GREM1: variants seen among roughly 807,000 people sequenced by gnomAD.
GREM1 encodes gremlin 1, DAN family BMP antagonist.
GREM1 carries 6 observed loss-of-function variants against 13.1 expected under a neutral mutation model. The ratio of observed to expected loss-of-function variants is 0.46; its 90% CI spans 0.25 to 0.91. The LOEUF (loss-of-function observed/expected upper bound fraction) is 0.91, where lower values mean the gene tolerates loss of function less well. Ranked by LOEUF, GREM1 falls within the 40% of genes least tolerant of loss-of-function variation. The probability of loss-of-function intolerance (pLI) is 0.18; values close to 1 mark genes in which losing one functional copy is unlikely to be tolerated. For missense variants in GREM1, 185 were observed against 233.9 expected (o/e 0.79, Z 1.36); for synonymous variants, 98 against 93.7 (o/e 1.05, Z -0.27).
At position 32,740,942 on chromosome 15, in the gene GREM1, A is replaced by G. The variant is rs994772490; in HGVS notation, c.*9697A>G. Reference sequence around the variant, plus strand: ...CATTCTGATTTGCCAGTGTGGTCTCATGTTACCCCTGTGCCTAGAAAGGAA... The same window carrying G: ...CATTCTGATTTGCCAGTGTGGTCTCGTGTTACCCCTGTGCCTAGAAAGGAA... On this transcript the variant is annotated 3_prime_UTR_variant, in exon 2 of 2. Transcript: ENST00000651154. 1 of 152,206 alleles carries G rather than the reference A, an allele frequency of 6.6e-6. No individual in the cohort carries two copies. The highest frequency in any genetic ancestry group is 1.9e-4 in the East Asian group (1 of 5,200). The allele number at this position is 152,206 out of a possible 1,614,324, so 9.4% of individuals were successfully genotyped here. A position where few individuals can be genotyped will look rare whatever the true frequency, so the allele number is the denominator to read the frequency against.
rs1184035183 is a variant in GREM1, at chr15:32,736,726, A to C, written c.*5481A>C. The C allele has an allele frequency of 1.3e-5, 2 of 152,252 alleles. No homozygotes were observed. Among genetic ancestry groups the C allele is most frequent in the Non-Finnish European group, 2.9e-5 (2 of 68,056 alleles). The allele number at this position is 152,252 out of a possible 1,614,324, so 9.4% of individuals were successfully genotyped here. A position where few individuals can be genotyped will look rare whatever the true frequency, so the allele number is the denominator to read the frequency against. ...TTTACAGAATTAGTTCAGAAAAGTCATTAAACAAAGAAACAACAACAAACC... is the reference window on the plus strand; with the variant it reads ...TTTACAGAATTAGTTCAGAAAAGTCCTTAAACAAAGAAACAACAACAAACC... On this transcript the variant is annotated 3_prime_UTR_variant, in exon 2 of 2. Coordinates refer to ENST00000651154, the MANE Select transcript of GREM1 (RefSeq NM_013372.7).
At chr15:32,721,709 G>T (rs187354252) in intron 1 of GREM1, among the ~76,000 whole-genome samples, 2 of 151,964 alleles carry the variant, frequency 1.3e-5, no homozygotes, top group East Asian at 3.9e-4. Context: ...AGCTGATATC[G>T]TGCCAGTGCA....
chr15:32,724,729 G>A (rs1310827796), intron 1 of GREM1, among the ~76,000 whole-genome samples: 1 of 151,614 alleles, frequency 6.6e-6, no homozygotes, highest in Non-Finnish European at 1.5e-5. Flanking sequence ...ATGGTGGTTT[G>A]CTGCACCCAT....
Position 32,736,914 on chromosome 15 carries a change from C to T in GREM1, c.*5669C>T, listed in dbSNP as rs2055703934. ...CAGGTTAGGAGACGTGAGCTGCTCT[C>T]CACAAAAAGCCTCATGTGAGTAATA... On this transcript the variant is annotated 3_prime_UTR_variant, in exon 2 of 2. Transcript: ENST00000651154. 1 of 152,134 alleles carries T rather than the reference C, an allele frequency of 6.6e-6. No homozygotes were observed. The highest frequency in any genetic ancestry group is 6.5e-5 in the Admixed American group (1 of 15,272). 9.4% of individuals were successfully genotyped at this position (152,134 alleles called of 1,614,324 possible).
chr15:32,718,186 G>C, intron 1 of GREM1, 25 bp downstream of exon 1: 1 of 1,341,734 alleles, frequency 7.5e-7, no homozygotes. Context: ...ACCCGGCAGG[G>C]ATGTGAGTGG....
At position 32,738,410 on chromosome 15, in the gene GREM1, C is replaced by T. The variant is rs954386080; in HGVS notation, c.*7165C>T. 3 of 151,852 alleles carry T rather than the reference C, an allele frequency of 2.0e-5. No individual in the cohort carries two copies. In the East Asian group the frequency reaches 5.8e-4, roughly 29 times the overall value. 9.4% of individuals were successfully genotyped at this position (151,852 alleles called of 1,614,324 possible). A position where few individuals can be genotyped will look rare whatever the true frequency, so the allele number is the denominator to read the frequency against. ...CATAGAAAAAATGTAACAGGAAGTGCAAGACTGGTACATTGAAAACAATAA... is the reference window on the plus strand; with the variant it reads ...CATAGAAAAAATGTAACAGGAAGTGTAAGACTGGTACATTGAAAACAATAA... On this transcript the variant is annotated 3_prime_UTR_variant, in exon 2 of 2. Coordinates refer to ENST00000651154, the MANE Select transcript of GREM1 (RefSeq NM_013372.7).
intron 1 of GREM1, chr15:32,718,731 C>T: frequency 3.0e-6 from 1 of 337,436 alleles, no homozygotes; most frequent in Non-Finnish European, 5.9e-6. Flanking sequence ...AGGGCAGAGC[C>T]GCTGTGTTCA....
Position 32,733,393 on chromosome 15 carries a change from T to C in GREM1, c.*2148T>C, listed in dbSNP as rs567560278. The C allele has an allele frequency of 4.4e-6, 1 of 227,230 alleles. No homozygotes were observed. The highest frequency in any genetic ancestry group is 5.9e-5 in the Admixed American group (1 of 17,066). 14.1% of individuals were successfully genotyped at this position (227,230 alleles called of 1,614,324 possible). A position where few individuals can be genotyped will look rare whatever the true frequency, so the allele number is the denominator to read the frequency against. ...GCAAACACTGAATTTCTCTTGTTGT[T>C]TTAACTCTGCCACAAGAATGCAATT... On this transcript the variant is annotated 3_prime_UTR_variant, in exon 2 of 2. Coordinates refer to ENST00000651154, the MANE Select transcript of GREM1 (RefSeq NM_013372.7).
intron 1 of GREM1, 78 bp downstream of exon 1, chr15:32,718,239 T>G: frequency 8.8e-7 from 1 of 1,136,552 alleles, no homozygotes. Context: ...ACCCGCTCAG[T>G]TCCACGCGCG....
At position 32,739,990 on chromosome 15, in the gene GREM1, G is replaced by A. The variant is rs1292904288; in HGVS notation, c.*8745G>A. 6.6e-6 allele frequency: 1 copy of A among 152,264 alleles called. No homozygotes were observed. The allele number at this position is 152,264 out of a possible 1,614,324, so 9.4% of individuals were successfully genotyped here. A position where few individuals can be genotyped will look rare whatever the true frequency, so the allele number is the denominator to read the frequency against. ...GAGACAGAGGTTTAGACCAGTAGAT[G>A]ACATGGCACCCTGCCCTCTACTGCC... On this transcript the variant is annotated 3_prime_UTR_variant, in exon 2 of 2. Transcript: ENST00000651154.
At position 32,743,248 on chromosome 15, in the gene GREM1, A is replaced by G. The variant is rs558797912; in HGVS notation, c.*12003A>G. On this transcript the variant is annotated 3_prime_UTR_variant, in exon 2 of 2. Coordinates refer to ENST00000651154, the MANE Select transcript of GREM1 (RefSeq NM_013372.7). Reference sequence around the variant, plus strand: ...GGAAGAAAGATTTTTTTCTTTCTCTAGGATGACAAGTTATATATAATAAGC... The same window carrying G: ...GGAAGAAAGATTTTTTTCTTTCTCTGGGATGACAAGTTATATATAATAAGC... The G allele has an allele frequency of 2.6e-5, 4 of 152,326 alleles. No individual in the cohort carries two copies. In the East Asian group the frequency reaches 7.7e-4, roughly 29 times the overall value. The allele number at this position is 152,326 out of a possible 1,614,324, so 9.4% of individuals were successfully genotyped here.
chr15:32,732,654 G>C lies in GREM1; in HGVS notation c.*1409G>C, dbSNP rs777332048. The C allele has an allele frequency of 4.1e-6, 1 of 242,592 alleles. No individual in the cohort carries two copies. Among genetic ancestry groups the C allele is most frequent in the Non-Finnish European group, 8.7e-6 (1 of 114,748 alleles). 15.0% of individuals were successfully genotyped at this position (242,592 alleles called of 1,614,324 possible). A position where few individuals can be genotyped will look rare whatever the true frequency, so the allele number is the denominator to read the frequency against. ...GAGAGCATAGCATCATGATGTATTA[G>C]CTGTTCATCTGCTACTGGTTGGATG... On this transcript the variant is annotated 3_prime_UTR_variant, in exon 2 of 2. Transcript: ENST00000651154.
At chr15:32,728,268 T>C (rs1044801515) in intron 1 of GREM1, among the ~76,000 whole-genome samples, 2 of 152,172 alleles carry the variant, frequency 1.3e-5, no homozygotes, top group African/African-American at 2.4e-5. Context: ...AAAAACAGCA[T>C]GGTATAGTAT....
At chr15:32,719,350 G>C (rs1040763861) in intron 1 of GREM1, among the ~76,000 whole-genome samples, 2 of 152,234 alleles carry the variant, frequency 1.3e-5, no homozygotes, top group Non-Finnish European at 2.9e-5. Context: ...CTCTGGCGAC[G>C]GTCACCGGGC....
intron 1 of GREM1, among the ~76,000 whole-genome samples, chr15:32,729,796 C>T (rs1429838123): frequency 6.6e-6 from 1 of 152,144 alleles, no homozygotes; most frequent in Non-Finnish European, 1.5e-5. Flanking sequence ...TACACAGACA[C>T]ATGTGAATGA....
Position 32,735,358 on chromosome 15 carries a change from C to T in GREM1, c.*4113C>T, listed in dbSNP as rs138688990. ...TGAATTGTTTCTCACTCAATCTTCA[C>T]GGTAGCTCAGTGAGGTAGGTACCAT... On this transcript the variant is annotated 3_prime_UTR_variant, in exon 2 of 2. Coordinates refer to ENST00000651154, the MANE Select transcript of GREM1 (RefSeq NM_013372.7). 5 of 152,282 alleles carry T rather than the reference C, an allele frequency of 3.3e-5. No individual in the cohort carries two copies. The highest frequency in any genetic ancestry group is 3.9e-4 in the East Asian group (2 of 5,184). 9.4% of individuals were successfully genotyped at this position (152,282 alleles called of 1,614,324 possible). A position where few individuals can be genotyped will look rare whatever the true frequency, so the allele number is the denominator to read the frequency against.
chr15:32,738,112 A>C lies in GREM1; in HGVS notation c.*6867A>C, dbSNP rs1380686596. 219 of 124,568 alleles carry C rather than the reference A, an allele frequency of 1.8e-3. 3 individuals carry two copies. Among genetic ancestry groups the C allele is most frequent in the Non-Finnish European group, 2.5e-3 (151 of 60,026 alleles). The allele number at this position is 124,568 out of a possible 1,614,324, so 7.7% of individuals were successfully genotyped here. On this transcript the variant is annotated 3_prime_UTR_variant, in exon 2 of 2. Transcript: ENST00000651154. ...AAAAAAAAAAAAAAAAAAAAAAAAA[A>C]AAAAAAAAAAAAAAAAAAAAAGAAA...
chr15:32,741,673 G>A lies in GREM1; in HGVS notation c.*10428G>A, dbSNP rs979417322. 1 of 151,932 alleles carries A rather than the reference G, an allele frequency of 6.6e-6. No individual in the cohort carries two copies. The highest frequency in any genetic ancestry group is 2.4e-5 in the African/African-American group (1 of 41,390). 9.4% of individuals were successfully genotyped at this position (151,932 alleles called of 1,614,324 possible). A position where few individuals can be genotyped will look rare whatever the true frequency, so the allele number is the denominator to read the frequency against. ...TGAGCGTCTTTTATTTATTTTTCTT[G>A]CCTAATTGCTTTAGCTAGGACTTCC... On this transcript the variant is annotated 3_prime_UTR_variant, in exon 2 of 2. Transcript: ENST00000651154.
chr15:32,735,035 A>G lies in GREM1; in HGVS notation c.*3790A>G, dbSNP rs1595855601. 5 of 152,494 alleles carry G rather than the reference A, an allele frequency of 3.3e-5. 1 individual carries two copies. The highest frequency in any genetic ancestry group is 3.3e-4 in the Admixed American group (5 of 15,298). 9.4% of individuals were successfully genotyped at this position (152,494 alleles called of 1,614,324 possible). On this transcript the variant is annotated 3_prime_UTR_variant, in exon 2 of 2. Coordinates refer to ENST00000651154, the MANE Select transcript of GREM1 (RefSeq NM_013372.7). ...GGAGAAAGATTTGGGGCTCAGTAGAAGGAAAAGCTTCCTAGTGGTAAGAGT... is the reference window on the plus strand; with the variant it reads ...GGAGAAAGATTTGGGGCTCAGTAGAGGGAAAAGCTTCCTAGTGGTAAGAGT...
Sources: gnomAD v4.1 joint callset for allele counts (sites outside exome capture counted in the v4.1 genomes callset) on GRCh38, gnomAD v4.1.1 for gene constraint, MANE v1.5 for transcripts, NCBI Gene and HGNC (gene_info 2026-07-23, HGNC 2026-07-21) for gene names.